The following RNF144A variants were observed in gnomAD, a reference collection of about 807,000 sequenced individuals.
RNF144A encodes ring finger protein 144A.
RNF144A carries 11 observed loss-of-function variants against 38.7 expected under a neutral mutation model. The ratio of observed to expected loss-of-function variants is 0.28; its 90% CI spans 0.18 to 0.47. The LOEUF (loss-of-function observed/expected upper bound fraction) is 0.47. Among genes scored for constraint, RNF144A ranks in the 20% least tolerant of loss-of-function variants. RNF144A has a pLI of 0.99. For missense variants in RNF144A, 316 were observed against 377.2 expected (o/e 0.84, Z 1.34); for synonymous variants, 149 against 143.9 (o/e 1.04, Z -0.25).
At chr2:6,968,317 C>T (rs1347588930) in intron 2 of RNF144A, among the ~76,000 whole-genome samples, 4 of 152,216 alleles carry the variant, frequency 2.6e-5, no homozygotes, top group African/African-American at 4.8e-5. Flanking sequence ...AGTTAAAATA[C>T]GTGGGCACAG....
chr2:6,997,115 G>A (rs753255152), intron 3 of RNF144A, 54 bp downstream of exon 3: 5 of 1,584,472 alleles, frequency 3.2e-6, no homozygotes, highest in Non-Finnish European at 4.3e-6. Flanking sequence ...TGAGCTTTTT[G>A]CTTTCATTTG....
chr2:6,995,257 T>C (rs1363274389), intron 2 of RNF144A, among the ~76,000 whole-genome samples: 5 of 151,970 alleles, frequency 3.3e-5, no homozygotes, highest in Admixed American at 6.6e-5. Flanking sequence ...GGGAATAAGC[T>C]ACTCAAATGA....
At chr2:7,005,537 C>G (rs989948871) in intron 3 of RNF144A, among the ~76,000 whole-genome samples, 8 of 150,482 alleles carry the variant, frequency 5.3e-5, no homozygotes, top group African/African-American at 1.5e-4. Context: ...TTCCAACTGC[C>G]AAGCTGGCAG....
intron 3 of RNF144A, among the ~76,000 whole-genome samples, chr2:6,998,523 C>CTAGTTT (rs1205060077): frequency 6.6e-6 from 1 of 152,198 alleles, no homozygotes; most frequent in Non-Finnish European, 1.5e-5. Flanking sequence ...CACCTAGCAC[C>CTAGTTT]TAGTTTAGTG....
chr2:6,997,090 A>G, intron 3 of RNF144A, 29 bp downstream of exon 3: 1 of 1,609,352 alleles, frequency 6.2e-7, no homozygotes, highest in Non-Finnish European at 8.5e-7. Context: ...AATATATGTT[A>G]CAGTGATTTT....
At chr2:7,034,363 A>G (rs1043348066) in intron 8 of RNF144A, among the ~76,000 whole-genome samples, 1 of 152,084 alleles carries the variant, frequency 6.6e-6, no homozygotes. Context: ...AGCTGTAGCA[A>G]GCGACAGCGT....
chr2:6,987,297 G>A, intron 2 of RNF144A, among the ~76,000 whole-genome samples: 1 of 152,196 alleles, frequency 6.6e-6, no homozygotes, highest in Non-Finnish European at 1.5e-5. Flanking sequence ...CAGGAAGGAG[G>A]CGTCTCGGGG....
chr2:7,036,820 G>A (rs1446802194), intron 8 of RNF144A, among the ~76,000 whole-genome samples: 1 of 152,152 alleles, frequency 6.6e-6, no homozygotes, highest in African/African-American at 2.4e-5. Flanking sequence ...GTTTGTACAA[G>A]AATTCTCTGG....
downstream of RNF144A, among the ~76,000 whole-genome samples, chr2:7,069,445 T>C (rs143372880): frequency 2.7e-4 from 41 of 152,344 alleles, no homozygotes; most frequent in East Asian, 6.7e-3. Context: ...TATTTTCCCT[T>C]CTGAGTGGCT....
intron 3 of RNF144A, among the ~76,000 whole-genome samples, chr2:7,002,086 A>G (rs1384378771): frequency 6.6e-6 from 1 of 152,148 alleles, no homozygotes; most frequent in African/African-American, 2.4e-5. Context: ...TGTAAACCCT[A>G]AGCTTCTGAT....
the RNF144A span, among the ~76,000 whole-genome samples, chr2:7,075,291 C>CG: frequency 4.4e-3 from 660 of 151,326 alleles, 6 homozygotes; most frequent in African/African-American, 0.015. Flanking sequence ...TCCCCCCCCC[C>CG]ACACAGTGTT....
intron 8 of RNF144A, among the ~76,000 whole-genome samples, chr2:7,030,991 GTC>G (rs1441522028): frequency 6.6e-6 from 1 of 152,140 alleles, no homozygotes; most frequent in Non-Finnish European, 1.5e-5. Flanking sequence ...TCCTACGAGA[GTC>G]TAATGTCGCT....
intron 6 of RNF144A, among the ~76,000 whole-genome samples, chr2:7,053,591 G>C (rs1673612534): frequency 6.6e-6 from 1 of 152,198 alleles, no homozygotes; most frequent in African/African-American, 2.4e-5. Flanking sequence ...ACTGCCTACA[G>C]TTCCATGCCA....
chr2:7,035,095 T>C (rs1672578585), intron 8 of RNF144A, among the ~76,000 whole-genome samples: 1 of 152,236 alleles, frequency 6.6e-6, no homozygotes, highest in African/African-American at 2.4e-5. Flanking sequence ...TCTGCCAGCC[T>C]TGTGGCCTCA....
intron 2 of RNF144A, among the ~76,000 whole-genome samples, chr2:6,963,241 A>G (rs556298211): frequency 4.6e-5 from 7 of 152,278 alleles, no homozygotes; most frequent in Admixed American, 3.3e-4. Flanking sequence ...GGGCCAAGCA[A>G]GGAGTCTCTG....
chr2:7,022,420 A>G (rs1283995286), intron 6 of RNF144A, among the ~76,000 whole-genome samples: 4 of 152,236 alleles, frequency 2.6e-5, no homozygotes, highest in Non-Finnish European at 5.9e-5. Flanking sequence ...GTTGTTAGTA[A>G]TAATTTTAAA....
chr2:6,924,584 G>C (rs1664746317), intron 1 of RNF144A, among the ~76,000 whole-genome samples: 1 of 152,212 alleles, frequency 6.6e-6, no homozygotes, highest in African/African-American at 2.4e-5. Flanking sequence ...ATGCTGAGGA[G>C]ACAGGGCTGT....
chr2:7,045,073 T>G (rs1673251883), downstream of RNF144A, among the ~76,000 whole-genome samples: 1 of 152,244 alleles, frequency 6.6e-6, no homozygotes, highest in South Asian at 2.1e-4. Flanking sequence ...ACGCCATGTA[T>G]GAGCTCGCTC....
intron 6 of RNF144A, among the ~76,000 whole-genome samples, chr2:7,058,332 G>A (rs1673819755): frequency 7.2e-6 from 1 of 139,540 alleles, no homozygotes; most frequent in South Asian, 2.2e-4. Context: ...AGTGTATGGG[G>A]GAACTGAAAA....
Sources: gnomAD v4.1 joint callset for allele counts (sites outside exome capture counted in the v4.1 genomes callset) on GRCh38, gnomAD v4.1.1 for gene constraint, MANE v1.5 for transcripts, NCBI Gene and HGNC (gene_info 2026-07-23, HGNC 2026-07-21) for gene names.